GCNT1: variants seen among roughly 807,000 people sequenced by gnomAD.
The protein encoded by GCNT1 is glucosaminyl (N-acetyl) transferase 1, also known as beta-1,3-galactosyl-O-glycosyl-glycoprotein beta-1,6-N-acetylglucosaminyltransferase.
Under a neutral mutation model 26.2 loss-of-function variants are expected in GCNT1, and 16 were observed. That is an observed-to-expected ratio of 0.61 (90% CI 0.41 to 0.93). GCNT1 has a LOEUF of 0.93. GCNT1 is among the 40% of genes least tolerant of loss of function. The pLI is 0.00. For synonymous variants in GCNT1, 183 were observed against 190.8 expected, an observed-to-expected ratio of 0.96 and a Z score of 0.34; for missense variants, 477 against 526.7, an observed-to-expected ratio of 0.91 and a Z score of 0.92.
upstream of GCNT1, among the ~76,000 whole-genome samples, chr9:76,455,005 G>A (rs1429444206): frequency 6.6e-6 from 1 of 151,402 alleles, no homozygotes; most frequent in Non-Finnish European, 1.5e-5. Context: ...GCACCACCAC[G>A]CCTGGATAAT....
the GCNT1 span, chr9:76,398,615 GT>G: frequency 1.3e-6 from 1 of 780,444 alleles, no homozygotes; most frequent in Non-Finnish European, 2.2e-6. Flanking sequence ...AAACCTATTT[GT>G]TTTTGCTTTC....
the GCNT1 span, among the ~76,000 whole-genome samples, chr9:76,402,683 A>AT: frequency 0.3 from 44,083 of 147,248 alleles, 6,713 homozygotes; most frequent in East Asian, 0.39. Flanking sequence ...TATTTGGCTG[A>AT]TTTTTTTTTT....
chr9:76,399,559 G>A, the GCNT1 span: 1 of 1,471,902 alleles, frequency 6.8e-7, no homozygotes, highest in East Asian at 2.3e-5. Flanking sequence ...CCACTGAATG[G>A]GTAGGAGCAA....
chr9:76,501,084 T>C (rs1212625657), intron 3 of GCNT1, 23 bp downstream of exon 3: 2 of 152,236 alleles, frequency 1.3e-5, no homozygotes, highest in African/African-American at 4.8e-5. Flanking sequence ...AATACTTTTC[T>C]TAACATTATT....
chr9:76,494,905 C>T lies in GCNT1; in HGVS notation c.-289-6011C>T, dbSNP rs531802740. 2.6e-5 allele frequency among the ~76,000 whole-genome samples: 4 copies of T among 152,250 alleles called. 1 individual carries two copies. The South Asian group carries it at 8.3e-4, about 32-fold the overall frequency. The stretch of plus-strand genomic sequence containing the variant: ...CTTTCCTCTCTGTCAACCCTGGGCT[C>T]AGCCTGGAAGTACAGGAAAAGCGGA... On this transcript the variant is annotated intron_variant, in intron 2 of 3. Coordinates refer to ENST00000376730, the MANE Select transcript of GCNT1 (RefSeq NM_001490.5).
chr9:76,494,257 A>G (rs1000950188), intron 2 of GCNT1, among the ~76,000 whole-genome samples: 6 of 152,182 alleles, frequency 3.9e-5, no homozygotes, highest in African/African-American at 1.4e-4. Flanking sequence ...CTCCTGGGCC[A>G]CAAAGAGGAC....
the GCNT1 span, chr9:76,399,007 C>T: frequency 1.3e-6 from 2 of 1,571,438 alleles, no homozygotes; most frequent in African/African-American, 1.3e-5. Flanking sequence ...CTGGCCACTT[C>T]ACTCCTGGAA....
intron 1 of GCNT1, among the ~76,000 whole-genome samples, chr9:76,431,825 C>G (rs1371926067): frequency 1.3e-5 from 2 of 152,118 alleles, no homozygotes; most frequent in African/African-American, 4.8e-5. Flanking sequence ...TTAAGAAATT[C>G]CAGGCCAGCC....
intron 2 of GCNT1, among the ~76,000 whole-genome samples, chr9:76,465,158 T>TTG (rs1554733361): frequency 6.6e-6 from 1 of 151,808 alleles, no homozygotes; most frequent in African/African-American, 2.4e-5. Flanking sequence ...GATTTGAGTT[T>TTG]TTTTTTTTTT....
rs537984375 is a variant in GCNT1, at chr9:76,446,826, G to A, written c.-290+4511G>A. ...TATGGGCCAAGCATAGTGGCTTGGTGTTTACATACATTAGATGTTAGAGGT... is the reference window on the plus strand; with the variant it reads ...TATGGGCCAAGCATAGTGGCTTGGTATTTACATACATTAGATGTTAGAGGT... On this transcript the variant is annotated intron_variant, in intron 1 of 2. Transcript: ENST00000442371. 7.2e-5 allele frequency among the ~76,000 whole-genome samples: 11 copies of A among 152,288 alleles called. No homozygotes were observed. The South Asian group carries it at 2.3e-3, about 32-fold the overall frequency.
the GCNT1 span, among the ~76,000 whole-genome samples, chr9:76,398,383 A>G: frequency 9.3e-4 from 142 of 152,366 alleles, no homozygotes; most frequent in Admixed American, 1.9e-3. Flanking sequence ...CTATATACCA[A>G]TTAGAATGGC....
intron 1 of GCNT1, among the ~76,000 whole-genome samples, chr9:76,451,578 A>G (rs948702542): frequency 6.6e-6 from 1 of 152,206 alleles, no homozygotes; most frequent in Non-Finnish European, 1.5e-5. Context: ...AATGCCTACC[A>G]TTAAAAAGAT....
chr9:76,484,097 G>A (rs1420645603), intron 2 of GCNT1, among the ~76,000 whole-genome samples: 1 of 152,198 alleles, frequency 6.6e-6, no homozygotes, highest in African/African-American at 2.4e-5. Context: ...AAGTAAAACT[G>A]AGGCTGGACA....
At chr9:76,395,372 G>T in the GCNT1 span, among the ~76,000 whole-genome samples, 1 of 152,114 alleles carries the variant, frequency 6.6e-6, no homozygotes, top group Non-Finnish European at 1.5e-5. Context: ...TGCAGACCGT[G>T]TAGTCTCTTT....
chr9:76,491,053 T>G (rs1824720688), intron 2 of GCNT1, among the ~76,000 whole-genome samples: 1 of 152,234 alleles, frequency 6.6e-6, no homozygotes, highest in Admixed American at 6.5e-5. Context: ...ACCCTGGCTT[T>G]TAAAGGAATA....
At chr9:76,452,585 C>A (rs1383552494) in intron 1 of GCNT1, among the ~76,000 whole-genome samples, 3 of 152,050 alleles carry the variant, frequency 2.0e-5, no homozygotes, top group Non-Finnish European at 2.9e-5. Flanking sequence ...ACATCTTACA[C>A]GGCTGGAGCA....
chr9:76,479,151 T>C (rs1302911791), intron 2 of GCNT1, among the ~76,000 whole-genome samples: 2 of 152,218 alleles, frequency 1.3e-5, no homozygotes, highest in Non-Finnish European at 1.5e-5. Flanking sequence ...AATGATGGTT[T>C]CCAGCTTCAT....
intron 1 of GCNT1, among the ~76,000 whole-genome samples, chr9:76,433,178 C>T (rs541468780): frequency 6.6e-6 from 1 of 152,192 alleles, no homozygotes; most frequent in Non-Finnish European, 1.5e-5. Context: ...CTTGGGACCC[C>T]TCCGAATGCA....
chr9:76,398,473 T>C, the GCNT1 span, among the ~76,000 whole-genome samples: 1 of 152,234 alleles, frequency 6.6e-6, no homozygotes, highest in South Asian at 2.1e-4. Context: ...TTGGTGGGAA[T>C]ACAAAATGGT....
Sources: gnomAD v4.1 joint callset for allele counts (sites outside exome capture counted in the v4.1 genomes callset) on GRCh38, gnomAD v4.1.1 for gene constraint, MANE v1.5 for transcripts, NCBI Gene and HGNC (gene_info 2026-07-23, HGNC 2026-07-21) for gene names.